Variants in PCSK5 observed in about 807,000 individuals in gnomAD.
PCSK5 encodes the protein proprotein convertase subtilisin/kexin type 5, also known as prohormone convertase 5.
A neutral mutation model predicts 233.2 loss-of-function variants in PCSK5; 129 were observed. The ratio of observed to expected loss-of-function variants is 0.55; its 90% CI spans 0.48 to 0.64. The LOEUF is 0.64. PCSK5 is among the 30% of genes least tolerant of loss of function. PCSK5 has a pLI of 0.00. For synonymous variants in PCSK5, 825 were observed against 879.2 expected (o/e 0.94, Z 1.09); for missense variants, 2,076 against 2,430.1 (o/e 0.85, Z 3.06).
At chr9:76,242,684 C>T (rs527439724) in intron 24 of PCSK5, among the ~76,000 whole-genome samples, 12 of 152,268 alleles carry the variant, frequency 7.9e-5, no homozygotes, top group Admixed American at 7.8e-4. Context: ...CACTGTTTGC[C>T]CATTTCAGAT....
intron 3 of PCSK5, among the ~76,000 whole-genome samples, chr9:76,019,749 G>T (rs1587506219): frequency 1.3e-5 from 2 of 152,120 alleles, no homozygotes; most frequent in Non-Finnish European, 2.9e-5. Flanking sequence ...TCATAACCCT[G>T]GTATGGAAAA....
Position 76,233,525 on chromosome 9 carries a change from G to GCCAT in PCSK5, c.2800_2803dup (p.Cys935SerfsTer39), listed in dbSNP as rs754029065. Reference sequence around the variant, plus strand: ...TGGAAATTTGAATTTGAGAACCAATGCCATCCATGCCACCACACCTGCCAG... The same window carrying GCCAT: ...TGGAAATTTGAATTTGAGAACCAATGCCATCCATCCATGCCACCACACCTGCCAG... On this transcript the variant is annotated frameshift_variant, in exon 22 of 38. Transcript: ENST00000674117. LOFTEE classifies it high-confidence loss of function. 2.4e-4 allele frequency: 391 copies of GCCAT among 1,612,408 alleles called. No homozygotes were observed. The highest frequency in any genetic ancestry group is 3.2e-4 in the Non-Finnish European group (382 of 1,179,770).
At chr9:76,351,438 T>TGAAAGAAA (rs200572590) in intron 36 of PCSK5, among the ~76,000 whole-genome samples, 3 of 29,498 alleles carry the variant, frequency 1.0e-4, no homozygotes, top group Non-Finnish European at 1.5e-4. Flanking sequence ...CCCTGCAATG[T>TGAAAGAAA]GAAAGAAAGG....
rs140109411 is a variant in PCSK5, at chr9:75,933,045, T to C, written c.297+562T>C. Among the ~76,000 whole-genome samples the C allele has an allele frequency of 2.1e-3, 319 of 152,290 alleles. No individual in the cohort carries two copies. The Middle Eastern group carries it at 0.031, about 15-fold the overall frequency. On this transcript the variant is annotated intron_variant, in intron 2 of 37. Transcript: ENST00000674117. ...TTGGGGCCTCATCAGGTATCTTTCTTGTGCCAAGTCCTTTTGGGTTTTCCA... is the reference window on the plus strand; with the variant it reads ...TTGGGGCCTCATCAGGTATCTTTCTCGTGCCAAGTCCTTTTGGGTTTTCCA...
At chr9:76,089,226 C>T (rs1248738861) in intron 7 of PCSK5, among the ~76,000 whole-genome samples, 1 of 152,086 alleles carries the variant, frequency 6.6e-6, no homozygotes, top group African/African-American at 2.4e-5. Flanking sequence ...GCTCTTTTCT[C>T]CCCGAGAGGA....
At chr9:76,244,483 GGAGTCAGA>G (rs1341667748) in intron 24 of PCSK5, among the ~76,000 whole-genome samples, 2 of 151,772 alleles carry the variant, frequency 1.3e-5, no homozygotes, top group Non-Finnish European at 2.9e-5. Context: ...GATCTCTAGG[GGAGTCAGA>G]GAAAAGTGAA....
intron 3 of PCSK5, among the ~76,000 whole-genome samples, chr9:75,998,271 G>T (rs961866601): frequency 2.6e-5 from 4 of 152,006 alleles, no homozygotes; most frequent in Non-Finnish European, 5.9e-5. Context: ...TGTTTTAAGT[G>T]CTAATTCTGA....
chr9:76,240,012 G>C (rs1397038497), intron 23 of PCSK5, among the ~76,000 whole-genome samples: 1 of 152,114 alleles, frequency 6.6e-6, no homozygotes, highest in Non-Finnish European at 1.5e-5. Flanking sequence ...ATGTGTTATT[G>C]TTATTGCCCA....
chr9:76,071,859 C>G lies in PCSK5; in HGVS notation c.855C>G (p.Ala285=). 6.2e-7 allele frequency: 1 copy of G among 1,614,120 alleles called. No homozygotes were observed. The highest frequency in any genetic ancestry group is 1.7e-4 in the Middle Eastern group (1 of 6,060). The change falls in exon 7 of 38, where the codon GCC becomes GCG. Residue 285 remains alanine, a synonymous_variant. Coordinates refer to ENST00000674117, the MANE Select transcript of PCSK5 (RefSeq NM_001372043.1). ...DDDGKTVDGP[A]PLTRQAFENG... ...ATGGCAAGACTGTGGACGGACCAGC[C>G]CCCCTCACCCGGCAAGCCTTTGAAA...
chr9:76,247,556 C>G (rs924910503), intron 24 of PCSK5, among the ~76,000 whole-genome samples: 1 of 152,180 alleles, frequency 6.6e-6, no homozygotes, highest in Non-Finnish European at 1.5e-5. Flanking sequence ...GATGAAGTCA[C>G]CTTCCCAGCT....
In PCSK5 at chr9:76,354,258, T is replaced by G. The variant is rs751484525; in HGVS notation, c.5254+39T>G. 11 of 1,491,504 alleles carry G rather than the reference T, an allele frequency of 7.4e-6. No homozygotes were observed. In the African/African-American group the frequency reaches 1.1e-4, roughly 15 times the overall value. 92.4% of individuals were successfully genotyped at this position (1,491,504 alleles called of 1,614,324 possible). A position where few individuals can be genotyped will look rare whatever the true frequency, so the allele number is the denominator to read the frequency against. On this transcript the variant is annotated intron_variant, in intron 37 of 37. Transcript: ENST00000674117. The stretch of plus-strand genomic sequence containing the variant: ...AAGAGCAGCCTGCAGAGGAAGGGCA[T>G]GTCCTCAAGAAGCCAATGGGAGCAG...
intron 21 of PCSK5, among the ~76,000 whole-genome samples, chr9:76,230,934 A>G (rs1826060621): frequency 6.6e-6 from 1 of 152,152 alleles, no homozygotes; most frequent in African/African-American, 2.4e-5. Flanking sequence ...ATAGAAATGA[A>G]GTGCACAATA....
At chr9:76,331,380 G>A (rs1478667314) in intron 33 of PCSK5, among the ~76,000 whole-genome samples, 1 of 152,060 alleles carries the variant, frequency 6.6e-6, no homozygotes, top group Non-Finnish European at 1.5e-5. Flanking sequence ...AGAGATGCCG[G>A]GGGTGGGCCA....
chr9:76,057,804 A>T lies in PCSK5; in HGVS notation c.633-10151A>T, dbSNP rs76572508. Among the ~76,000 whole-genome samples, 499 of 149,068 alleles carry T rather than the reference A, an allele frequency of 3.3e-3. 4 individuals carry two copies. The highest frequency in any genetic ancestry group is 0.013 in the South Asian group (62 of 4,712). On this transcript the variant is annotated intron_variant, in intron 5 of 37. Transcript: ENST00000674117. ...AATTACATCTTTCCTGGTATGGTAC[A>T]TCTAAAACTCAGGAAAGTATTCAGG...
intron 2 of PCSK5, among the ~76,000 whole-genome samples, chr9:75,962,295 ACTT>A (rs1346903075): frequency 1.3e-5 from 2 of 152,062 alleles, no homozygotes; most frequent in Non-Finnish European, 2.9e-5. Flanking sequence ...ATTCAGAAAG[ACTT>A]CTTCAGCTCC....
intron 2 of PCSK5, among the ~76,000 whole-genome samples, chr9:75,958,116 A>G (rs1016994218): frequency 6.6e-6 from 1 of 152,220 alleles, no homozygotes; most frequent in African/African-American, 2.4e-5. Flanking sequence ...AGCTCAAATA[A>G]GATTTAAAAC....
At chr9:76,071,930 T>C (rs1830495922) in intron 7 of PCSK5, 32 bp downstream of exon 7, 1 of 1,567,832 alleles carries the variant, frequency 6.4e-7, no homozygotes, top group African/African-American at 1.4e-5. Context: ...GCTTATACTG[T>C]GTGGATGGGT....
At chr9:76,140,713 A>G (rs1366321211) in intron 10 of PCSK5, among the ~76,000 whole-genome samples, 1 of 152,110 alleles carries the variant, frequency 6.6e-6, no homozygotes, top group Non-Finnish European at 1.5e-5. Context: ...TTGCAAATTA[A>G]TTTAAATGTT....
chr9:76,114,585 C>G (rs1292757978), intron 9 of PCSK5, among the ~76,000 whole-genome samples: 1 of 152,096 alleles, frequency 6.6e-6, no homozygotes, highest in Non-Finnish European at 1.5e-5. Context: ...AACTCCTTCC[C>G]TATGTGAGAA....
Sources: gnomAD v4.1 joint callset for allele counts (sites outside exome capture counted in the v4.1 genomes callset) on GRCh38, gnomAD v4.1.1 for gene constraint, MANE v1.5 for transcripts, NCBI Gene and HGNC (gene_info 2026-07-23, HGNC 2026-07-21) for gene names.